Variants in GIPC2 observed in about 807,000 individuals in gnomAD.
The protein encoded by GIPC2 is GIPC PDZ domain containing family member 2, also known as PDZ domain-containing protein GIPC2.
Under a neutral mutation model 30.6 loss-of-function variants are expected in GIPC2, and 30 were observed. The ratio of observed to expected loss-of-function variants is 0.98; its 90% CI spans 0.73 to 1.33. The LOEUF is 1.33. Among genes scored for constraint, GIPC2 ranks in the 40% most tolerant of loss-of-function variants. GIPC2 has a pLI of 0.00. For missense variants in GIPC2, 414 were observed against 390.3 expected (o/e 1.06, Z -0.51); for synonymous variants, 167 against 150.0 (o/e 1.11, Z -0.83).
rs773828376 is a variant in GIPC2, at chr1:78,135,715, T to C, written c.920T>C (p.Ile307Thr). The C allele has an allele frequency of 1.5e-5, 25 of 1,613,756 alleles. No individual in the cohort carries two copies. The highest frequency in any genetic ancestry group is 3.3e-4 in the Middle Eastern group (2 of 6,082). ...TTTGTCTTTGATGTTTGGGGAGTCA[T>C]TGGTGATGCCAAACGAAGAGGATTA... Reference protein sequence around the residue: ...DEFVFDVWGVIGDAKRRGL With the variant: ...DEFVFDVWGVTGDAKRRGL Residue 307 changes from isoleucine to threonine, a missense_variant, in exon 6 of 6, where the codon ATT becomes ACT. Physicochemically the swap from Ile to Thr is moderately conservative, Grantham distance 89. Coordinates refer to ENST00000370759, the MANE Select transcript of GIPC2 (RefSeq NM_017655.6).
chr1:78,113,054 A>T (rs1045557619), intron 3 of GIPC2, among the ~76,000 whole-genome samples: 3 of 152,314 alleles, frequency 2.0e-5, no homozygotes, highest in South Asian at 4.1e-4. Flanking sequence ...AACTGAACAG[A>T]AAGTACAGAA....
chr1:78,092,531 C>T (rs929239697), intron 2 of GIPC2, among the ~76,000 whole-genome samples: 3 of 152,108 alleles, frequency 2.0e-5, no homozygotes, highest in African/African-American at 7.2e-5. Context: ...CTGATTAGTG[C>T]CTTTGGCAAT....
At chr1:78,122,990 T>C (rs1320953810) in intron 4 of GIPC2, among the ~76,000 whole-genome samples, 2 of 152,024 alleles carry the variant, frequency 1.3e-5, no homozygotes, top group African/African-American at 4.8e-5. Context: ...CTGGGTGCAG[T>C]AGCTCACGCC....
At position 78,099,461 on chromosome 1, in the gene GIPC2, C is replaced by T. The variant is rs1412121313; in HGVS notation, c.607+4329C>T. ...TCTCTTTCTTTTTTTTTTTTTGAGA[C>T]GGAGTTTTGCTCTGTTGCCCGGGAT... On this transcript the variant is annotated intron_variant, in intron 3 of 5. Transcript: ENST00000370759. Among the ~76,000 whole-genome samples, 9 of 144,382 alleles carry T rather than the reference C, an allele frequency of 6.2e-5. No individual in the cohort carries two copies. In the South Asian group the frequency reaches 6.5e-4, roughly 10 times the overall value. 94.7% of individuals were successfully genotyped at this position (144,382 alleles called of 152,430 possible).
chr1:78,071,391 T>C (rs544102361), intron 1 of GIPC2, among the ~76,000 whole-genome samples: 16 of 152,138 alleles, frequency 1.1e-4, no homozygotes, highest in Non-Finnish European at 1.9e-4. Flanking sequence ...TCTTACTCCT[T>C]TTAGAAAGTG....
At chr1:78,071,398 AG>A (rs1388721281) in intron 1 of GIPC2, among the ~76,000 whole-genome samples, 1 of 152,008 alleles carries the variant, frequency 6.6e-6, no homozygotes, top group East Asian at 1.9e-4. Context: ...CCTTTTAGAA[AG>A]TGAGGGGTTT....
chr1:78,095,080 A>T lies in GIPC2; in HGVS notation c.555A>T (p.Leu185Phe). The part of the protein sequence containing the change: ...HYDVAKKLKE[L>F]KKEELFTMKL... ...ATGTTGCTAAGAAGTTAAAGGAATT[A>T]AAAAAGGAGGAACTCTTTACTATGA... Residue 185 changes from leucine to phenylalanine, a missense_variant, in exon 3 of 6, where the codon TTA becomes TTT. Transcript: ENST00000370759. The T allele has an allele frequency of 6.2e-7, 1 of 1,612,268 alleles. No individual in the cohort carries two copies. Among genetic ancestry groups the T allele is most frequent in the Middle Eastern group, 1.7e-4 (1 of 6,060 alleles).
intron 1 of GIPC2, among the ~76,000 whole-genome samples, chr1:78,064,189 A>G (rs1286178657): frequency 6.6e-6 from 1 of 152,230 alleles, no homozygotes; most frequent in East Asian, 1.9e-4. Context: ...AGCCCATAGA[A>G]ATTCAGAATA....
intron 1 of GIPC2, among the ~76,000 whole-genome samples, chr1:78,047,401 G>A (rs1661115642): frequency 6.6e-6 from 1 of 152,210 alleles, no homozygotes; most frequent in Non-Finnish European, 1.5e-5. Context: ...AGACGAAAGA[G>A]AGCTTAAAGT....
intron 2 of GIPC2, among the ~76,000 whole-genome samples, chr1:78,084,233 G>A (rs1195853057): frequency 6.6e-6 from 1 of 152,174 alleles, no homozygotes; most frequent in African/African-American, 2.4e-5. Context: ...TATGAATTGG[G>A]CCAGGCATGG....
At chr1:78,053,722 C>T (rs1329407163) in intron 1 of GIPC2, among the ~76,000 whole-genome samples, 1 of 114,472 alleles carries the variant, frequency 8.7e-6, no homozygotes, top group Non-Finnish European at 1.7e-5. Flanking sequence ...ACAGCCTGGG[C>T]AACATAGTGG....
chr1:78,075,235 C>T (rs1035768647), intron 1 of GIPC2, among the ~76,000 whole-genome samples: 5 of 152,128 alleles, frequency 3.3e-5, no homozygotes, highest in African/African-American at 9.7e-5. Context: ...GCAGGAGGAT[C>T]GCTTAGGCCC....
intron 1 of GIPC2, among the ~76,000 whole-genome samples, chr1:78,061,684 C>A (rs1459690192): frequency 1.2e-5 from 1 of 85,484 alleles, no homozygotes; most frequent in African/African-American, 2.8e-5. Flanking sequence ...ATGAAGTGTT[C>A]TTTACACTAA....
intron 3 of GIPC2, among the ~76,000 whole-genome samples, chr1:78,104,517 G>A (rs1444660934): frequency 2.6e-5 from 4 of 152,172 alleles, no homozygotes; most frequent in African/African-American, 9.7e-5. Flanking sequence ...GATAAACCAT[G>A]TAAGAGGCTG....
chr1:78,085,722 G>A (rs1276211216), intron 2 of GIPC2, among the ~76,000 whole-genome samples: 2 of 151,744 alleles, frequency 1.3e-5, no homozygotes, highest in African/African-American at 4.8e-5. Context: ...GTTTATAGTA[G>A]TTTCTGATGG....
At chr1:78,089,837 A>G (rs1248588677) in intron 2 of GIPC2, among the ~76,000 whole-genome samples, 1 of 152,210 alleles carries the variant, frequency 6.6e-6, no homozygotes. Flanking sequence ...CAGATGGTAA[A>G]TATTTTGTGC....
intron 3 of GIPC2, among the ~76,000 whole-genome samples, chr1:78,103,375 C>CT (rs2100395346): frequency 6.6e-6 from 1 of 152,306 alleles, no homozygotes; most frequent in Non-Finnish European, 1.5e-5. Context: ...TTTAACCCCT[C>CT]TATAAGCCTG....
At chr1:78,106,492 G>A (rs953385069) in intron 3 of GIPC2, among the ~76,000 whole-genome samples, 2 of 151,872 alleles carry the variant, frequency 1.3e-5, no homozygotes, top group Non-Finnish European at 2.9e-5. Context: ...CCCAGGGGGC[G>A]GGGCTTGCAG....
upstream of GIPC2, chr1:78,045,122 T>C (rs1446413720): frequency 3.2e-6 from 3 of 940,394 alleles, no homozygotes; most frequent in Non-Finnish European, 3.8e-6. Flanking sequence ...AAGAATTACT[T>C]GTATTTGGTA....
Sources: gnomAD v4.1 joint callset for allele counts (sites outside exome capture counted in the v4.1 genomes callset) on GRCh38, gnomAD v4.1.1 for gene constraint, MANE v1.5 for transcripts, NCBI Gene and HGNC (gene_info 2026-07-23, HGNC 2026-07-21) for gene names.